Variants in CHCHD7 observed in about 807,000 individuals in gnomAD.
CHCHD7 encodes the protein coiled-coil-helix-coiled-coil-helix domain-containing protein 7.
In CHCHD7, 7 loss-of-function variants were observed where a neutral mutation model predicts 10.5. The ratio of observed to expected loss-of-function variants is 0.67; its 90% CI spans 0.38 to 1.25. The LOEUF (loss-of-function observed/expected upper bound fraction) is 1.25, where lower values mean the gene tolerates loss of function less well. CHCHD7 is among the 50% of genes most tolerant of loss of function. The probability of loss-of-function intolerance (pLI) is 0.02; values close to 1 mark genes in which losing one functional copy is unlikely to be tolerated. For missense variants in CHCHD7, 100 were observed against 104.5 expected, an observed-to-expected ratio of 0.96 and a Z score of 0.19; for synonymous variants, 40 against 36.0, an observed-to-expected ratio of 1.11 and a Z score of -0.40.
In CHCHD7 at chr8:56,214,641, G is replaced by C; in HGVS notation, c.28G>C (p.Asp10His). 1 of 1,613,548 alleles carries C rather than the reference G, an allele frequency of 6.2e-7. No homozygotes were observed. The change falls in exon 2 of 4, where the codon GAT becomes CAT. Residue 10 changes from aspartate (D) to histidine (H), a missense_variant. Transcript: ENST00000355315. ...GCCCTCGGTAACACAGAGGCTGAGAGATCCTGACATAAATCCTTGTTTGTC... is the reference window on the plus strand; with the variant it reads ...GCCCTCGGTAACACAGAGGCTGAGACATCCTGACATAAATCCTTGTTTGTC... MPSVTQRLRDPDINPCLSES... is the reference protein window; with the variant it reads MPSVTQRLRHPDINPCLSES...
intron 1 of CHCHD7, chr8:56,212,624 C>A (rs890189299): frequency 1.1e-5 from 5 of 447,518 alleles, no homozygotes; most frequent in Non-Finnish European, 2.0e-5. Flanking sequence ...TCTGGTTATG[C>A]TCTGCAAGTA....
intron 1 of CHCHD7, 68 bp from the exon 2 acceptor site, chr8:56,214,530 C>T (rs1252182823): frequency 8.7e-7 from 1 of 1,150,456 alleles, no homozygotes; most frequent in African/African-American, 1.5e-5. Context: ...ACTTTTAGTG[C>T]TATTGAGATG....
At chr8:56,213,644 C>G (rs1248439089) in intron 1 of CHCHD7, 2 of 152,236 alleles carry the variant, frequency 1.3e-5, no homozygotes, top group Admixed American at 6.5e-5. Context: ...CCCGACTCGG[C>G]CTCCTAAACT....
Position 56,217,370 on chromosome 8 carries a change from C to A in CHCHD7, c.193C>A (p.Pro65Thr), listed in dbSNP as rs1361463665. 1 of 1,612,650 alleles carries A rather than the reference C, an allele frequency of 6.2e-7. No homozygotes were observed. The highest frequency in any genetic ancestry group is 1.7e-5 in the Admixed American group (1 of 60,018). Residue 65 changes from proline (P) to threonine (T), a missense_variant, in exon 4 of 4, where the codon CCA (proline) becomes ACA (threonine). Coordinates refer to ENST00000355315, the MANE Select transcript of CHCHD7 (RefSeq NM_001011671.3). ...GCAGAGAAGAAAGAACGGAGTGAAG[C>A]CATTTATGCCTACGGCAGCAGAAAG... ...VMQRRKNGVKPFMPTAAERDE... is the reference protein window; with the variant it reads ...VMQRRKNGVKTFMPTAAERDE...
At chr8:56,215,424 A>G (rs530761966) in intron 2 of CHCHD7, 14 of 152,342 alleles carry the variant, frequency 9.2e-5, no homozygotes, top group East Asian at 5.8e-4. Context: ...TTTGTGGAAG[A>G]CAATTTTTCC....
rs14859 is a variant in CHCHD7, at chr8:56,218,523, T to C, written c.*1088T>C. On this transcript the variant is annotated 3_prime_UTR_variant, in exon 4 of 4. Transcript: ENST00000355315. ...TTTAATGGCTGCCGACAATGAACTG[T>C]CTGTCTGAGTCTAAAACCAAGCTCA... 2,754 of 212,528 alleles carry C rather than the reference T, an allele frequency of 0.013. 88 individuals carry two copies. Among genetic ancestry groups the C allele is most frequent in the African/African-American group, 0.06 (2,606 of 43,796 alleles). 13.2% of individuals were successfully genotyped at this position (212,528 alleles called of 1,614,324 possible). A position where few individuals can be genotyped will look rare whatever the true frequency, so the allele number is the denominator to read the frequency against.
At chr8:56,212,271 C>T (rs7006371) in intron 1 of CHCHD7, 9,764 of 153,416 alleles carry the variant, frequency 0.064, 1,038 homozygotes, top group African/African-American at 0.22. Context: ...TTCTCCTTGC[C>T]CTGCGCGCCC....
At chr8:56,215,856 C>T (rs748385712) in intron 2 of CHCHD7, among the ~76,000 whole-genome samples, 1 of 152,080 alleles carries the variant, frequency 6.6e-6, no homozygotes, top group African/African-American at 2.4e-5. Context: ...TTGTTGACTT[C>T]GGTTTTGAAG....
In CHCHD7 at chr8:56,214,418, C is replaced by T. The variant is rs182933230; in HGVS notation, c.-16-180C>T. On this transcript the variant is annotated intron_variant, in intron 1 of 3. Transcript: ENST00000355315. Reference sequence around the variant, plus strand: ...ATATGGCCTTTGTGTTGAGGCATGGCAATACAAAGGAAAAACACGTTCAAG... The same window carrying T: ...ATATGGCCTTTGTGTTGAGGCATGGTAATACAAAGGAAAAACACGTTCAAG... 9.4e-5 allele frequency: 47 copies of T among 498,494 alleles called. 1 individual carries two copies. The highest frequency in any genetic ancestry group is 1.1e-3 in the Middle Eastern group (2 of 1,820). 30.9% of individuals were successfully genotyped at this position (498,494 alleles called of 1,614,324 possible).
chr8:56,212,982 T>TAG lies in CHCHD7; in HGVS notation c.-17+1146_-17+1147insGA. On this transcript the variant is annotated intron_variant, in intron 1 of 3. Transcript: ENST00000355315. The stretch of plus-strand genomic sequence containing the variant: ...ATACTTTCATGTAAGGCACGAAACT[T>TAG]AAATTTAATGCAAGGTTGTCTGATC... 4.5e-6 allele frequency: 4 copies of TAG among 892,346 alleles called. No homozygotes were observed. In the Admixed American group the frequency reaches 7.8e-5, roughly 17 times the overall value. The allele number at this position is 892,346 out of a possible 1,614,324, so 55.3% of individuals were successfully genotyped here. A position where few individuals can be genotyped will look rare whatever the true frequency, so the allele number is the denominator to read the frequency against.
In CHCHD7 at chr8:56,217,513, C is replaced by T. The variant is rs1374584124; in HGVS notation, c.*78C>T. 1 of 866,774 alleles carries T rather than the reference C, an allele frequency of 1.2e-6. No homozygotes were observed. The highest frequency in any genetic ancestry group is 2.0e-5 in the Admixed American group (1 of 49,460). 53.7% of individuals were successfully genotyped at this position (866,774 alleles called of 1,614,324 possible). On this transcript the variant is annotated 3_prime_UTR_variant, in exon 4 of 4. Coordinates refer to ENST00000355315, the MANE Select transcript of CHCHD7 (RefSeq NM_001011671.3). ...TAAATGATTGCTGTAATATTTAAGA[C>T]TGTACACCCCTCACCCAGACAGACC...
Position 56,216,416 on chromosome 8 carries a change from T to G in CHCHD7, c.55-17T>G. The stretch of plus-strand genomic sequence containing the variant: ...CCTGTTCTACCTTTTAAATGATGCC[T>G]CTCTTATATCTGTAAGGAATCTGAT... On this transcript the variant is annotated splice_polypyrimidine_tract_variant and intron_variant, in intron 2 of 3. Coordinates refer to ENST00000355315, the MANE Select transcript of CHCHD7 (RefSeq NM_001011671.3). 1 of 1,613,960 alleles carries G rather than the reference T, an allele frequency of 6.2e-7. No homozygotes were observed. Among genetic ancestry groups the G allele is most frequent in the South Asian group, 1.1e-5 (1 of 91,052 alleles).
intron 1 of CHCHD7, chr8:56,214,031 C>CT (rs1813189860): frequency 6.6e-6 from 1 of 152,186 alleles, no homozygotes; most frequent in Non-Finnish European, 1.5e-5. Context: ...GTTGCTTAAA[C>CT]TTAAGAATAA....
chr8:56,211,989 C>T (rs540764960), intron 1 of CHCHD7, 152 bp downstream of exon 1: 3 of 152,928 alleles, frequency 2.0e-5, no homozygotes, highest in African/African-American at 4.8e-5. Flanking sequence ...TCCCGTTGCT[C>T]TTCCTCCCGC....
intron 3 of CHCHD7, chr8:56,216,880 A>C (rs531138672): frequency 1.9e-6 from 1 of 536,518 alleles, no homozygotes; most frequent in East Asian, 3.4e-5. Context: ...TTAGGCTTCA[A>C]TTTCTGCCTT....
At chr8:56,214,742 T>G in intron 2 of CHCHD7, 75 bp downstream of exon 2, 1 of 1,101,032 alleles carries the variant, frequency 9.1e-7, no homozygotes, top group Non-Finnish European at 1.4e-6. Flanking sequence ...GGGCCTTTGT[T>G]TTCTGCAGTT....
At position 56,216,782 on chromosome 8, in the gene CHCHD7, T is replaced by C. The variant is rs1011462010; in HGVS notation, c.153+251T>C. Reference sequence around the variant, plus strand: ...GGGTCTTCTTAGACATTTAAGTATCTGCAGCCCTAAAACAATGTCTTTGTT... The same window carrying C: ...GGGTCTTCTTAGACATTTAAGTATCCGCAGCCCTAAAACAATGTCTTTGTT... On this transcript the variant is annotated intron_variant, in intron 3 of 3. Transcript: ENST00000355315. 5.7e-6 allele frequency: 4 copies of C among 697,954 alleles called. No homozygotes were observed. In the African/African-American group the frequency reaches 7.0e-5, roughly 12 times the overall value. 43.2% of individuals were successfully genotyped at this position (697,954 alleles called of 1,614,324 possible). A position where few individuals can be genotyped will look rare whatever the true frequency, so the allele number is the denominator to read the frequency against.
chr8:56,213,135 GA>G (rs937442586), intron 1 of CHCHD7: 56 of 353,614 alleles, frequency 1.6e-4, no homozygotes, highest in Non-Finnish European at 2.6e-4. Context: ...GGGAAGTGTG[GA>G]AAAAAATTGT....
At chr8:56,214,575 AT>A (rs753178213) in intron 1 of CHCHD7, 22 bp from the exon 2 acceptor site, 27 of 1,572,192 alleles carry the variant, frequency 1.7e-5, no homozygotes, top group African/African-American at 2.7e-5. Context: ...CTGTATAATT[AT>A]TTTTTTTCTG....
Sources: gnomAD v4.1 joint callset for allele counts (sites outside exome capture counted in the v4.1 genomes callset) on GRCh38, gnomAD v4.1.1 for gene constraint, MANE v1.5 for transcripts, NCBI Gene and HGNC (gene_info 2026-07-23, HGNC 2026-07-21) for gene names.